Variants in FLYWCH1 observed in about 807,000 individuals in gnomAD.
FLYWCH1 encodes FLYWCH-type zinc finger-containing protein 1.
A neutral mutation model predicts 66.4 loss-of-function variants in FLYWCH1; 75 were observed. The observed-to-expected ratio is 1.13, with a 90% confidence interval of 0.94 to 1.37. The LOEUF is 1.37. Ranked by LOEUF, FLYWCH1 falls within the 40% of genes most tolerant of loss-of-function variation. The pLI, the probability that FLYWCH1 is intolerant of heterozygous loss-of-function variation, is 0.00. For synonymous variants in FLYWCH1, 595 were observed against 429.9 expected, an observed-to-expected ratio of 1.38 and a Z score of -4.75; for missense variants, 1,334 against 1,001.8, an observed-to-expected ratio of 1.33 and a Z score of -4.48.
intron 2 of FLYWCH1, chr16:2,923,036 C>G (rs2070431444): frequency 2.3e-6 from 1 of 438,550 alleles, no homozygotes; most frequent in South Asian, 1.7e-5. Flanking sequence ...TTGTGTGGAT[C>G]TTTTTTTGTG....
chr16:2,921,076 C>G (rs140106955), intron 2 of FLYWCH1, among the ~76,000 whole-genome samples: 2 of 148,662 alleles, frequency 1.3e-5, no homozygotes, highest in African/African-American at 2.5e-5. Flanking sequence ...CTGCTGACCC[C>G]GTGATCTGCC....
intron 2 of FLYWCH1, chr16:2,923,022 G>C: frequency 2.2e-6 from 1 of 454,554 alleles, no homozygotes. Flanking sequence ...TTTTGGGGGG[G>C]CTGTTGTGTG....
rs904844144 is a variant in FLYWCH1, at chr16:2,948,728, G to A, written c.*1G>A. The A allele has an allele frequency of 1.2e-6, 2 of 1,613,880 alleles. No homozygotes were observed. The highest frequency in any genetic ancestry group is 1.7e-6 in the Non-Finnish European group (2 of 1,179,788). On this transcript the variant is annotated 3_prime_UTR_variant, in exon 10 of 10. Transcript: ENST00000253928. ...CAGACTGGATGGCGAGTCCCAGTGAGGCGATGTGGGCAGAGGAGCTCCGAG... is the reference window on the plus strand; with the variant it reads ...CAGACTGGATGGCGAGTCCCAGTGAAGCGATGTGGGCAGAGGAGCTCCGAG...
At chr16:2,945,244 T>A (rs1308268361) in intron 9 of FLYWCH1, among the ~76,000 whole-genome samples, 2 of 151,948 alleles carry the variant, frequency 1.3e-5, no homozygotes, top group Non-Finnish European at 2.9e-5. Context: ...TCCCAGCACT[T>A]TGGGAGGCCG....
chr16:2,942,997 C>T (rs1279184291), intron 9 of FLYWCH1, among the ~76,000 whole-genome samples: 1 of 151,596 alleles, frequency 6.6e-6, no homozygotes, highest in African/African-American at 2.4e-5. Flanking sequence ...CCACCACGCC[C>T]AGCTGGCATC....
At position 2,950,880 on chromosome 16, in the gene FLYWCH1, G is replaced by A. The variant is rs1365593183; in HGVS notation, c.*2153G>A. The A allele has an allele frequency of 6.6e-6, 1 of 152,264 alleles. No homozygotes were observed. Among genetic ancestry groups the A allele is most frequent in the Admixed American group, 6.5e-5 (1 of 15,286 alleles). The allele number at this position is 152,264 out of a possible 1,614,324, so 9.4% of individuals were successfully genotyped here. A position where few individuals can be genotyped will look rare whatever the true frequency, so the allele number is the denominator to read the frequency against. On this transcript the variant is annotated 3_prime_UTR_variant, in exon 10 of 10. Transcript: ENST00000253928. ...TTCATGGCCACCAACCCGCACCCTG[G>A]TGGCCACTCAGCCATGACAAGGGCC...
In FLYWCH1 at chr16:2,933,368, G is replaced by C. The variant is rs1415278226; in HGVS notation, c.1035G>C (p.Glu345Asp). 2.2e-5 allele frequency: 35 copies of C among 1,603,366 alleles called. No individual in the cohort carries two copies. Among genetic ancestry groups the C allele is most frequent in the Non-Finnish European group, 3.0e-5 (35 of 1,175,608 alleles). ...MEGLEARRQQ[E>D]KAVETLQAGQ... The stretch of plus-strand genomic sequence containing the variant: ...GCCTGGAAGCCCGGCGGCAGCAGGA[G>C]AAGGCCGTGGAGACGCTGCAGGCTG... The change falls in exon 5 of 10, where the codon GAG becomes GAC. Residue 345 changes from glutamate to aspartate, a missense_variant. By Grantham distance (45) the Glu-to-Asp change is conservative. Coordinates refer to ENST00000253928, the MANE Select transcript of FLYWCH1 (RefSeq NM_001308068.2).
intron 9 of FLYWCH1, among the ~76,000 whole-genome samples, chr16:2,948,350 G>A (rs1773511514): frequency 6.6e-6 from 1 of 152,112 alleles, no homozygotes; most frequent in Non-Finnish European, 1.5e-5. Context: ...CCTGAGGTCA[G>A]GAGATCGAGA....
chr16:2,933,238 G>A lies in FLYWCH1; in HGVS notation c.905G>A (p.Trp302Ter). The stretch of plus-strand genomic sequence containing the variant: ...AAGGCTGTCGGGGACAAGGTGTATT[G>A]GACCTGCCGGGACCACGCGCTGCAC... ...REKAVGDKVYWTCRDHALHGC... is the reference protein window; with the variant it reads ...REKAVGDKVY Residue 302 changes from tryptophan (W) to a stop codon, truncating the protein, a stop_gained, in exon 5 of 10, where the codon TGG becomes TAG. Transcript: ENST00000253928. LOFTEE classifies it high-confidence loss of function. 6.2e-7 allele frequency: 1 copy of A among 1,613,334 alleles called. No homozygotes were observed. The highest frequency in any genetic ancestry group is 8.5e-7 in the Non-Finnish European group (1 of 1,179,764).
intron 9 of FLYWCH1, among the ~76,000 whole-genome samples, chr16:2,941,024 G>A (rs767110233): frequency 2.2e-4 from 34 of 152,272 alleles, no homozygotes; most frequent in Non-Finnish European, 3.5e-4. Context: ...CAAGCTATTC[G>A]GGAGGCAGAG....
chr16:2,941,060 C>G (rs1028071147), intron 9 of FLYWCH1, among the ~76,000 whole-genome samples: 1 of 152,178 alleles, frequency 6.6e-6, no homozygotes, highest in African/African-American at 2.4e-5. Flanking sequence ...GATTGTGCCA[C>G]TGCACTCCAG....
intron 6 of FLYWCH1, chr16:2,934,484 G>A (rs1044104763): frequency 1.5e-4 from 55 of 363,586 alleles, no homozygotes; most frequent in Non-Finnish European, 2.6e-4. Context: ...TTATCCACAC[G>A]GTCGGCCCCC....
intron 2 of FLYWCH1, chr16:2,922,973 G>A: frequency 1.9e-6 from 1 of 516,374 alleles, no homozygotes; most frequent in Non-Finnish European, 3.8e-6. Context: ...GAGTCGCAGT[G>A]TCTTGGGCTG....
intron 4 of FLYWCH1, among the ~76,000 whole-genome samples, chr16:2,932,169 T>A (rs1235197493): frequency 6.8e-6 from 1 of 146,824 alleles, no homozygotes; most frequent in Admixed American, 6.9e-5. Context: ...CAATCCCAGT[T>A]ACTCGGGAGG....
At position 2,933,032 on chromosome 16, in the gene FLYWCH1, G is replaced by A. The variant is rs2070825808; in HGVS notation, c.797-98G>A. 2.8e-5 allele frequency: 30 copies of A among 1,084,124 alleles called. No homozygotes were observed. In the South Asian group the frequency reaches 4.3e-4, roughly 16 times the overall value. The allele number at this position is 1,084,124 out of a possible 1,614,324, so 67.2% of individuals were successfully genotyped here. ...AGCCAGGGTAAATTTCAGCCTTAAA[G>A]GAGAAAGGCTCGTGTCAGCCCCCAC... On this transcript the variant is annotated intron_variant, in intron 4 of 9. Transcript: ENST00000253928.
At chr16:2,937,639 G>A (rs1390762443) in intron 7 of FLYWCH1, among the ~76,000 whole-genome samples, 8 of 152,158 alleles carry the variant, frequency 5.3e-5, no homozygotes, top group Admixed American at 1.3e-4. Context: ...GTGGCCAGGG[G>A]TGGCATTGGC....
rs766851843 is a variant in FLYWCH1, at chr16:2,938,394, CAGGCCTGG to C, written c.1995_2002del (p.Leu668ThrfsTer28). On this transcript the variant is annotated frameshift_variant, in exon 8 of 10. Coordinates refer to ENST00000253928, the MANE Select transcript of FLYWCH1 (RefSeq NM_001308068.2). LOFTEE classifies it high-confidence loss of function. ...AGCCACTGCCATCAGCCTGACCTGG[CAGGCCTGG>C]AGGCCTTGAGGCAACGGGAGCGGCT... The C allele has an allele frequency of 3.4e-5, 53 of 1,562,968 alleles. No homozygotes were observed. The highest frequency in any genetic ancestry group is 4.3e-5 in the Non-Finnish European group (50 of 1,153,304).
In FLYWCH1 at chr16:2,933,093, A is replaced by C. The variant is rs2070829287; in HGVS notation, c.797-37A>C. The stretch of plus-strand genomic sequence containing the variant: ...GGCTGTCCCTCCTGGGCTCCTCTCC[A>C]CCCCTGGTGATGTGACCACTTGGGT... On this transcript the variant is annotated intron_variant, in intron 4 of 9. Coordinates refer to ENST00000253928, the MANE Select transcript of FLYWCH1 (RefSeq NM_001308068.2). 3.8e-6 allele frequency: 6 copies of C among 1,577,120 alleles called. No individual in the cohort carries two copies. In the South Asian group the frequency reaches 5.7e-5, roughly 15 times the overall value.
rs370778623 is a variant in FLYWCH1, at chr16:2,933,869, G to A, written c.1403G>A (p.Gly468Asp). The part of the protein sequence containing the change: ...MGCRSRAITQ[G>D]RRVTVMRGHC... ...TGCCGCAGCCGCGCCATCACCCAGG[G>A]CCGACGGGTGACTGTCATGCGTGGT... The change falls in exon 6 of 10, where the codon GGC (glycine) becomes GAC (aspartate). Residue 468 changes from glycine to aspartate, a missense_variant. Coordinates refer to ENST00000253928, the MANE Select transcript of FLYWCH1 (RefSeq NM_001308068.2). 67 of 1,600,368 alleles carry A rather than the reference G, an allele frequency of 4.2e-5. No individual in the cohort carries two copies. The African/African-American group carries it at 7.5e-4, about 18-fold the overall frequency.
Sources: gnomAD v4.1 joint callset for allele counts (sites outside exome capture counted in the v4.1 genomes callset) on GRCh38, gnomAD v4.1.1 for gene constraint, MANE v1.5 for transcripts, NCBI Gene and HGNC (gene_info 2026-07-23, HGNC 2026-07-21) for gene names.